The following EVI5 variants were observed in gnomAD, a reference collection of about 807,000 sequenced individuals.
The protein encoded by EVI5 is ecotropic viral integration site 5 protein homolog.
EVI5 carries 73 observed loss-of-function variants against 112.0 expected under a neutral mutation model. That is an observed-to-expected ratio of 0.65 (90% CI 0.54 to 0.79). The LOEUF (loss-of-function observed/expected upper bound fraction) is 0.79, where lower values mean the gene tolerates loss of function less well. Ranked by LOEUF, EVI5 falls within the 30% of genes least tolerant of loss-of-function variation. EVI5 has a pLI of 0.00. For synonymous variants in EVI5, 305 were observed against 319.9 expected, an observed-to-expected ratio of 0.95 and a Z score of 0.50; for missense variants, 900 against 968.8, an observed-to-expected ratio of 0.93 and a Z score of 0.94.
chr1:92,695,338 G>T lies in EVI5; in HGVS notation c.881C>A (p.Thr294Lys), dbSNP rs749182805. 2 of 1,611,426 alleles carry T rather than the reference G, an allele frequency of 1.2e-6. No individual in the cohort carries two copies. Among genetic ancestry groups the T allele is most frequent in the Admixed American group, 1.7e-5 (1 of 59,846 alleles). ...FLTTFPLPIA[T>K]RIFDIFMSEG... is the part of the protein sequence containing the mutation. Reference sequence around the variant, plus strand: ...AGACATAAAGATATCAAATATCCTTGTTGCAATTGGTAGTGGAAAAGTTGT... The same window carrying T: ...AGACATAAAGATATCAAATATCCTTTTTGCAATTGGTAGTGGAAAAGTTGT... The change falls in exon 7 of 20, where the codon ACA (threonine) becomes AAA (lysine). Residue 294 changes from threonine to lysine, a missense_variant. Transcript: ENST00000684568.
chr1:92,743,124 G>A (rs1276178576), intron 1 of EVI5, among the ~76,000 whole-genome samples: 1 of 152,144 alleles, frequency 6.6e-6, no homozygotes, highest in African/African-American at 2.4e-5. Flanking sequence ...AGGCTGAGGT[G>A]GGCGGATCAC....
In EVI5 at chr1:92,642,674, C is replaced by T. The variant is rs560932096; in HGVS notation, c.1393-6338G>A. ...ATTAACATTTATTCATGTGTTTAATCCAGGTAAGATGGGTTTATATTCTTC... is the reference window on the plus strand; with the variant it reads ...ATTAACATTTATTCATGTGTTTAATTCAGGTAAGATGGGTTTATATTCTTC... On this transcript the variant is annotated intron_variant, in intron 13 of 19. Coordinates refer to ENST00000684568, the MANE Select transcript of EVI5 (RefSeq NM_001350197.2). 2.6e-5 allele frequency among the ~76,000 whole-genome samples: 4 copies of T among 152,280 alleles called. No homozygotes were observed. The South Asian group carries it at 6.2e-4, about 24-fold the overall frequency.
At chr1:92,549,825 T>C (rs1051246515) in intron 19 of EVI5, among the ~76,000 whole-genome samples, 1 of 152,060 alleles carries the variant, frequency 6.6e-6, no homozygotes, top group Non-Finnish European at 1.5e-5. Flanking sequence ...GTTAGAATGG[T>C]GATCATTAAA....
At chr1:92,599,872 G>A (rs1648743130) in intron 18 of EVI5, among the ~76,000 whole-genome samples, 1 of 152,124 alleles carries the variant, frequency 6.6e-6, no homozygotes, top group East Asian at 1.9e-4. Flanking sequence ...TTCAGTTTGG[G>A]CAATAATAAA....
chr1:92,662,992 C>G (rs1664285525), intron 12 of EVI5, 127 bp from the exon 13 acceptor site: 1 of 417,324 alleles, frequency 2.4e-6, no homozygotes, highest in African/African-American at 2.2e-5. Flanking sequence ...GCGAATAGAA[C>G]AGCCTACGTA....
rs547258575 is a variant in EVI5, at chr1:92,644,949, T to C, written c.1393-8613A>G. Among the ~76,000 whole-genome samples the C allele has an allele frequency of 3.3e-5, 5 of 152,306 alleles. No individual in the cohort carries two copies. The South Asian group carries it at 1.0e-3, about 32-fold the overall frequency. ...CCAGAATATGTTCTATCTTCATAAATCTTCCATGTATGTTTGAAAGGATAT... is the reference window on the plus strand; with the variant it reads ...CCAGAATATGTTCTATCTTCATAAACCTTCCATGTATGTTTGAAAGGATAT... On this transcript the variant is annotated intron_variant, in intron 13 of 19. Transcript: ENST00000684568.
At position 92,718,712 on chromosome 1, in the gene EVI5, T is replaced by C. The variant is rs548629301; in HGVS notation, c.150-13968A>G. On this transcript the variant is annotated intron_variant, in intron 2 of 19. Transcript: ENST00000684568. The stretch of plus-strand genomic sequence containing the variant: ...AAGAACAGAGCAGAACTGAAGGAGA[T>C]AGAGACACAAAAAACCCTTCAAAAA... Among the ~76,000 whole-genome samples, 23 of 151,866 alleles carry C rather than the reference T, an allele frequency of 1.5e-4. 1 individual carries two copies. The highest frequency in any genetic ancestry group is 5.9e-4 in the Admixed American group (9 of 15,258).
At chr1:92,556,107 A>C (rs1667647842) in intron 19 of EVI5, among the ~76,000 whole-genome samples, 1 of 145,650 alleles carries the variant, frequency 6.9e-6, no homozygotes, top group Non-Finnish European at 1.5e-5. Flanking sequence ...TCTGTCCCCC[A>C]GCCTGGAGTG....
chr1:92,692,502 A>G (rs1057426273), intron 9 of EVI5, among the ~76,000 whole-genome samples: 1 of 152,222 alleles, frequency 6.6e-6, no homozygotes, highest in Non-Finnish European at 1.5e-5. Flanking sequence ...AAGTAACTTA[A>G]TAAAAGCTGA....
In EVI5 at chr1:92,511,596, G is replaced by C. The variant is rs1243204129; in HGVS notation, c.*2060C>G. The C allele has an allele frequency of 6.6e-6, 1 of 152,114 alleles. No homozygotes were observed. Among genetic ancestry groups the C allele is most frequent in the African/African-American group, 2.4e-5 (1 of 41,390 alleles). 9.4% of individuals were successfully genotyped at this position (152,114 alleles called of 1,614,324 possible). A position where few individuals can be genotyped will look rare whatever the true frequency, so the allele number is the denominator to read the frequency against. On this transcript the variant is annotated 3_prime_UTR_variant, in exon 20 of 20. Transcript: ENST00000684568. ...CACCTGTAATCCCCACACTTTGGGA[G>C]GCTGAGGCAGGAGGACCACTTGAGG... is the stretch of plus-strand genomic sequence containing the variant.
chr1:92,706,178 C>T (rs991296037), intron 2 of EVI5, among the ~76,000 whole-genome samples: 1 of 151,628 alleles, frequency 6.6e-6, no homozygotes, highest in African/African-American at 2.4e-5. Context: ...TGAGCATCAA[C>T]TAATTATTAT....
At chr1:92,661,466 T>C (rs1663995841) in intron 13 of EVI5, among the ~76,000 whole-genome samples, 1 of 152,158 alleles carries the variant, frequency 6.6e-6, no homozygotes, top group South Asian at 2.1e-4. Context: ...ATTATGACTG[T>C]AGCTTATGCT....
chr1:92,693,310 G>C (rs1431837152), intron 9 of EVI5, among the ~76,000 whole-genome samples: 1 of 152,128 alleles, frequency 6.6e-6, no homozygotes, highest in Non-Finnish European at 1.5e-5. Flanking sequence ...TTGAGCCTAG[G>C]ATTTCAAGGC....
intron 9 of EVI5, among the ~76,000 whole-genome samples, chr1:92,684,066 TC>T (rs1489658852): frequency 2.6e-5 from 4 of 151,784 alleles, no homozygotes; most frequent in Non-Finnish European, 1.5e-5. Context: ...ACAAAGATAC[TC>T]CTCGAGAAGA....
chr1:92,575,580 T>C, intron 18 of EVI5, among the ~76,000 whole-genome samples: 1 of 146,198 alleles, frequency 6.8e-6, no homozygotes, highest in East Asian at 2.0e-4. Flanking sequence ...TTTTTTTTTT[T>C]TTTTTCTGAG....
At chr1:92,632,592 C>T (rs189044157) in intron 14 of EVI5, among the ~76,000 whole-genome samples, 12 of 152,042 alleles carry the variant, frequency 7.9e-5, no homozygotes, top group Admixed American at 2.0e-4. Flanking sequence ...GTCTTGCTAG[C>T]GGTCTATTTT....
At chr1:92,619,459 T>TAG (rs952112468) in intron 16 of EVI5, among the ~76,000 whole-genome samples, 1 of 151,688 alleles carries the variant, frequency 6.6e-6, no homozygotes, top group Non-Finnish European at 1.5e-5. Flanking sequence ...TATATATATA[T>TAG]ATATATCCTA....
intron 18 of EVI5, among the ~76,000 whole-genome samples, chr1:92,600,618 T>G (rs1444235262): frequency 1.3e-5 from 2 of 152,164 alleles, no homozygotes. Flanking sequence ...CTGTTCCACC[T>G]CAGATCATCA....
At chr1:92,635,461 C>T (rs187117512) in intron 14 of EVI5, among the ~76,000 whole-genome samples, 55 of 152,260 alleles carry the variant, frequency 3.6e-4, no homozygotes, top group Admixed American at 2.4e-3. Context: ...GCTCTGTGAG[C>T]GTAGGACCCT....
Sources: gnomAD v4.1 joint callset for allele counts (sites outside exome capture counted in the v4.1 genomes callset) on GRCh38, gnomAD v4.1.1 for gene constraint, MANE v1.5 for transcripts, NCBI Gene and HGNC (gene_info 2026-07-23, HGNC 2026-07-21) for gene names.